Variants in LRP1B observed in about 807,000 individuals in gnomAD.
LRP1B encodes the protein low-density lipoprotein receptor-related protein 1B.
Under a neutral mutation model 556.6 loss-of-function variants are expected in LRP1B, and 217 were observed. That is an observed-to-expected ratio of 0.39 (90% CI 0.35 to 0.44). The LOEUF (loss-of-function observed/expected upper bound fraction) is 0.44, where lower values mean the gene tolerates loss of function less well. LRP1B is among the 20% of genes least tolerant of loss of function. The probability of loss-of-function intolerance (pLI) is 1.00; values close to 1 mark genes in which losing one functional copy is unlikely to be tolerated. For synonymous variants in LRP1B, 2,047 were observed against 1,865.8 expected, an observed-to-expected ratio of 1.10 and a Z score of -2.50; for missense variants, 5,053 against 5,620.8, an observed-to-expected ratio of 0.90 and a Z score of 3.23.
At chr2:142,122,587 A>T (rs749689544) in intron 1 of LRP1B, among the ~76,000 whole-genome samples, 1 of 152,126 alleles carries the variant, frequency 6.6e-6, no homozygotes, top group Admixed American at 6.6e-5. Context: ...AAGGGCGCTC[A>T]GCAAGAGTGC....
chr2:141,801,865 C>T (rs1696018553), intron 2 of LRP1B, among the ~76,000 whole-genome samples: 1 of 151,992 alleles, frequency 6.6e-6, no homozygotes, highest in African/African-American at 2.4e-5. Flanking sequence ...ATTTTTCTTA[C>T]ACTGGTATTA....
rs543230599 is a variant in LRP1B, at chr2:141,778,239, G to A, written c.205+32040C>T. 3.9e-5 allele frequency among the ~76,000 whole-genome samples: 6 copies of A among 152,200 alleles called. 1 individual carries two copies. Among genetic ancestry groups the A allele is most frequent in the South Asian group, 2.1e-4 (1 of 4,814 alleles). ...TAGGTGATTAGACTGCATCTGATTC[G>A]CCTGCATCCATTTTCCATACATTAG... On this transcript the variant is annotated intron_variant, in intron 2 of 90. Coordinates refer to ENST00000389484, the MANE Select transcript of LRP1B (RefSeq NM_018557.3).
intron 7 of LRP1B, among the ~76,000 whole-genome samples, chr2:141,077,598 AAT>A: frequency 6.6e-6 from 1 of 152,194 alleles, no homozygotes; most frequent in Non-Finnish European, 1.5e-5. Context: ...GATTATCTTC[AAT>A]ACTTTGGTGG....
intron 11 of LRP1B, among the ~76,000 whole-genome samples, chr2:141,021,303 T>C (rs1698058070): frequency 6.6e-6 from 1 of 152,014 alleles, no homozygotes; most frequent in African/African-American, 2.4e-5. Flanking sequence ...GTAACCCTTG[T>C]TGCTAATCAA....
intron 3 of LRP1B, among the ~76,000 whole-genome samples, chr2:141,352,253 A>C (rs1180568994): frequency 6.6e-6 from 1 of 151,896 alleles, no homozygotes; most frequent in African/African-American, 2.4e-5. Context: ...TAGACTCACA[A>C]AATTAAACAA....
intron 1 of LRP1B, among the ~76,000 whole-genome samples, chr2:142,102,439 C>A (rs978864876): frequency 6.6e-6 from 1 of 151,582 alleles, no homozygotes; most frequent in Non-Finnish European, 1.5e-5. Flanking sequence ...AATGTCAGGG[C>A]TAGGTTCCTA....
chr2:140,763,376 C>A (rs1688996541), intron 35 of LRP1B, among the ~76,000 whole-genome samples: 1 of 151,962 alleles, frequency 6.6e-6, no homozygotes, highest in African/African-American at 2.4e-5. Flanking sequence ...TATGGCAGCA[C>A]AAAGTAACTC....
intron 2 of LRP1B, among the ~76,000 whole-genome samples, chr2:141,611,323 G>A (rs1483923603): frequency 6.6e-6 from 1 of 152,144 alleles, no homozygotes; most frequent in East Asian, 1.9e-4. Context: ...TGTCAGACAA[G>A]CTGCTTAATT....
At chr2:141,425,875 G>A (rs1680343053) in intron 3 of LRP1B, among the ~76,000 whole-genome samples, 1 of 151,064 alleles carries the variant, frequency 6.6e-6, no homozygotes, top group Non-Finnish European at 1.5e-5. Flanking sequence ...TAGGTTGCCT[G>A]TTCACTCTGA....
chr2:140,624,887 G>A (rs1683599548), intron 41 of LRP1B, among the ~76,000 whole-genome samples: 1 of 152,250 alleles, frequency 6.6e-6, no homozygotes, highest in African/African-American at 2.4e-5. Context: ...GACAGAAGGG[G>A]CAAATTGCAT....
intron 21 of LRP1B, among the ~76,000 whole-genome samples, chr2:140,914,909 C>G (rs948985743): frequency 6.6e-6 from 1 of 152,090 alleles, no homozygotes; most frequent in Non-Finnish European, 1.5e-5. Flanking sequence ...GTTCTAGGCA[C>G]TCTTTGTACA....
chr2:141,799,056 A>G (rs1043089985), intron 2 of LRP1B, among the ~76,000 whole-genome samples: 1 of 152,084 alleles, frequency 6.6e-6, no homozygotes, highest in Non-Finnish European at 1.5e-5. Context: ...TGATTTCAGA[A>G]TTCCAGCCTC....
In LRP1B at chr2:140,321,938, TTACAGAATAA is replaced by T. The variant is rs1276606164; in HGVS notation, c.12640+15_12640+24del. 3.8e-6 allele frequency: 6 copies of T among 1,594,690 alleles called. No homozygotes were observed. Among genetic ancestry groups the T allele is most frequent in the Non-Finnish European group, 5.1e-6 (6 of 1,171,658 alleles). On this transcript the variant is annotated intron_variant, in intron 82 of 90. Transcript: ENST00000389484. Reference sequence around the variant, plus strand: ...TTTATGATAAGGATTAATTCATTATTTACAGAATAATAAAGTATACCCACCTAACAGGCTG... The same window carrying T: ...TTTATGATAAGGATTAATTCATTATTTAAAGTATACCCACCTAACAGGCTG...
intron 77 of LRP1B, among the ~76,000 whole-genome samples, chr2:140,347,304 AT>A (rs745918949): frequency 1.3e-5 from 2 of 151,864 alleles, no homozygotes; most frequent in African/African-American, 4.8e-5. Context: ...CGAAAAAAAA[AT>A]CCATTCCTCT....
At chr2:141,772,917 A>G (rs1424455126) in intron 2 of LRP1B, among the ~76,000 whole-genome samples, 3 of 152,196 alleles carry the variant, frequency 2.0e-5, no homozygotes, top group Non-Finnish European at 4.4e-5. Context: ...AAGGGAGCCC[A>G]CAGTTCTCCT....
At chr2:140,465,754 T>C (rs569100484) in intron 60 of LRP1B, among the ~76,000 whole-genome samples, 42 of 150,110 alleles carry the variant, frequency 2.8e-4, no homozygotes, top group African/African-American at 1.0e-3. Flanking sequence ...TCCCTAAACA[T>C]ATATGCAAAT....
chr2:141,460,476 T>G (rs1175337076), intron 3 of LRP1B, among the ~76,000 whole-genome samples: 2 of 152,184 alleles, frequency 1.3e-5, no homozygotes, highest in Admixed American at 1.3e-4. Context: ...ATACAGGGTT[T>G]CAACTGTCAT....
chr2:142,005,567 G>C (rs1274706842), intron 1 of LRP1B, among the ~76,000 whole-genome samples: 1 of 152,050 alleles, frequency 6.6e-6, no homozygotes, highest in East Asian at 1.9e-4. Flanking sequence ...GTTACTTTGA[G>C]AAAGAATTCA....
At chr2:141,981,633 A>G (rs1702044594) in intron 1 of LRP1B, among the ~76,000 whole-genome samples, 1 of 152,138 alleles carries the variant, frequency 6.6e-6, no homozygotes, top group African/African-American at 2.4e-5. Flanking sequence ...AATGGGCAGT[A>G]GTAGGGAGAA....
Sources: gnomAD v4.1 joint callset for allele counts (sites outside exome capture counted in the v4.1 genomes callset) on GRCh38, gnomAD v4.1.1 for gene constraint, MANE v1.5 for transcripts, NCBI Gene and HGNC (gene_info 2026-07-23, HGNC 2026-07-21) for gene names.